Variants in YPEL2 observed in about 807,000 individuals in gnomAD.
The protein encoded by YPEL2 is yippee like 2.
In YPEL2, 2 loss-of-function variants were observed where a neutral mutation model predicts 19.1. That is an observed-to-expected ratio of 0.10 (90% CI 0.04 to 0.33). The LOEUF is 0.33. Ranked by LOEUF, YPEL2 falls within the 10% of genes least tolerant of loss-of-function variation. The probability of loss-of-function intolerance (pLI) is 1.00; values close to 1 mark genes in which losing one functional copy is unlikely to be tolerated. For missense variants in YPEL2, 66 were observed against 140.7 expected, an observed-to-expected ratio of 0.47 and a Z score of 2.68; for synonymous variants, 52 against 50.0, an observed-to-expected ratio of 1.04 and a Z score of -0.17.
chr17:59,395,684 A>G (rs1158685378), intron 4 of YPEL2, among the ~76,000 whole-genome samples: 7 of 152,154 alleles, frequency 4.6e-5, no homozygotes, highest in African/African-American at 7.2e-5. Context: ...CATCTGACAT[A>G]GAAGCAGCAA....
rs1403809063 is a variant in YPEL2, at chr17:59,397,507, A to G, written c.*317A>G. ...CACCTTGGTAAGGGCCCCAGGGCCC[A>G]TGCGAGAGCTGCCTGATGGCCTCTT... is the stretch of plus-strand genomic sequence containing the variant. On this transcript the variant is annotated 3_prime_UTR_variant, in exon 5 of 5. Transcript: ENST00000312655. 5 of 202,328 alleles carry G rather than the reference A, an allele frequency of 2.5e-5. No individual in the cohort carries two copies. Among genetic ancestry groups the G allele is most frequent in the Non-Finnish European group, 3.0e-5 (3 of 101,066 alleles). 12.5% of individuals were successfully genotyped at this position (202,328 alleles called of 1,614,324 possible).
chr17:59,343,946 G>A (rs2047743705), intron 1 of YPEL2, among the ~76,000 whole-genome samples: 1 of 152,154 alleles, frequency 6.6e-6, no homozygotes, highest in African/African-American at 2.4e-5. Flanking sequence ...GACTGAGGGT[G>A]GCAATGGGAG....
intron 2 of YPEL2, among the ~76,000 whole-genome samples, chr17:59,379,305 G>A (rs891661683): frequency 2.6e-5 from 4 of 152,140 alleles, no homozygotes; most frequent in Non-Finnish European, 5.9e-5. Context: ...CTTTGGAATG[G>A]AACCTATAGC....
chr17:59,331,739 C>G lies in YPEL2; in HGVS notation c.-281C>G, dbSNP rs897093099. 6.6e-6 allele frequency: 1 copy of G among 152,218 alleles called. No individual in the cohort carries two copies. 9.4% of individuals were successfully genotyped at this position (152,218 alleles called of 1,614,324 possible). On this transcript the variant is annotated 5_prime_UTR_variant, in exon 1 of 5. Transcript: ENST00000312655. ...TGGCTTTAAGAGCGTGCCGGGAGCC[C>G]GAGCCCCAGCCGGGCCGCGCTTCGC...
intron 1 of YPEL2, among the ~76,000 whole-genome samples, chr17:59,341,504 CA>C (rs2047730463): frequency 6.7e-6 from 1 of 149,484 alleles, no homozygotes; most frequent in South Asian, 2.1e-4. Flanking sequence ...ACTAAAAATA[CA>C]AAAATTAGCC....
intron 2 of YPEL2, among the ~76,000 whole-genome samples, chr17:59,369,460 G>A (rs920048776): frequency 6.6e-6 from 1 of 152,160 alleles, no homozygotes; most frequent in South Asian, 2.1e-4. Flanking sequence ...CCTGATGGCC[G>A]AGGGAAGCAG....
At chr17:59,356,905 C>T (rs2047815676) in intron 2 of YPEL2, among the ~76,000 whole-genome samples, 1 of 152,188 alleles carries the variant, frequency 6.6e-6, no homozygotes, top group Non-Finnish European at 1.5e-5. Flanking sequence ...CTAATCACCT[C>T]CCAAAGGCCT....
chr17:59,358,667 T>G (rs919694011), intron 2 of YPEL2, among the ~76,000 whole-genome samples: 2 of 152,106 alleles, frequency 1.3e-5, no homozygotes, highest in Non-Finnish European at 2.9e-5. Context: ...TGGAGTACAG[T>G]GGCACAATCT....
chr17:59,380,329 T>C (rs562280373), intron 2 of YPEL2, among the ~76,000 whole-genome samples: 6 of 137,562 alleles, frequency 4.4e-5, no homozygotes, highest in Admixed American at 4.1e-4. Context: ...CAGGCCGGAG[T>C]GCAGTGGTGC....
intron 2 of YPEL2, among the ~76,000 whole-genome samples, chr17:59,383,201 A>G (rs918627866): frequency 1.3e-5 from 2 of 152,080 alleles, no homozygotes; most frequent in Non-Finnish European, 1.5e-5. Context: ...TTATATTTAC[A>G]TACAGTAAAA....
intron 2 of YPEL2, among the ~76,000 whole-genome samples, chr17:59,382,059 T>C (rs2047952174): frequency 6.6e-6 from 1 of 152,382 alleles, no homozygotes; most frequent in South Asian, 2.1e-4. Flanking sequence ...TCTCCATGGC[T>C]GTTTTTCTCA....
At chr17:59,389,671 G>A (rs2047998053) in intron 4 of YPEL2, among the ~76,000 whole-genome samples, 1 of 151,674 alleles carries the variant, frequency 6.6e-6, no homozygotes, top group African/African-American at 2.4e-5. Flanking sequence ...TACCCCCTGA[G>A]ACACACACCC....
chr17:59,394,908 G>A (rs1052913993), intron 4 of YPEL2, among the ~76,000 whole-genome samples: 1 of 152,226 alleles, frequency 6.6e-6, no homozygotes, highest in African/African-American at 2.4e-5. Flanking sequence ...CCAACACAGC[G>A]AAACCCCGTC....
At chr17:59,364,115 G>T (rs917699604) in intron 2 of YPEL2, among the ~76,000 whole-genome samples, 1 of 152,152 alleles carries the variant, frequency 6.6e-6, no homozygotes, top group Non-Finnish European at 1.5e-5. Flanking sequence ...ATGTATAATT[G>T]TCTTGCTTCC....
chr17:59,368,458 C>T (rs1476277956), intron 2 of YPEL2, among the ~76,000 whole-genome samples: 2 of 152,194 alleles, frequency 1.3e-5, no homozygotes, highest in Non-Finnish European at 2.9e-5. Context: ...TGTAGTGAAA[C>T]ACAGTCATTG....
intron 1 of YPEL2, among the ~76,000 whole-genome samples, chr17:59,348,974 C>G (rs1033065705): frequency 2.0e-5 from 3 of 152,026 alleles, no homozygotes; most frequent in Non-Finnish European, 4.4e-5. Context: ...ATCATGAGGT[C>G]AGGAGATCGA....
chr17:59,397,028 C>T (rs1408015900), intron 4 of YPEL2, 73 bp from the exon 5 acceptor site: 6 of 1,277,032 alleles, frequency 4.7e-6, no homozygotes, highest in Non-Finnish European at 5.3e-6. Flanking sequence ...GAGACTGCCT[C>T]AAAAAAGAAA....
At chr17:59,350,608 C>T (rs1381456558) in intron 1 of YPEL2, among the ~76,000 whole-genome samples, 1 of 152,156 alleles carries the variant, frequency 6.6e-6, no homozygotes, top group Non-Finnish European at 1.5e-5. Context: ...ATGTGACACA[C>T]TCACATTTAA....
chr17:59,366,086 G>A lies in YPEL2; in HGVS notation c.117+12560G>A, dbSNP rs114640134. ...TTGGCTCCACCAAGAGCAATTTTCT[G>A]TTTCCTCATTTATCTGTTGGGAAGC... On this transcript the variant is annotated intron_variant, in intron 2 of 4. Coordinates refer to ENST00000312655, the MANE Select transcript of YPEL2 (RefSeq NM_001005404.4). The A allele has an allele frequency of 6.1e-3, 926 of 152,300 alleles. 4 individuals carry two copies. The highest frequency in any genetic ancestry group is 0.021 in the African/African-American group (864 of 41,014). The allele number at this position is 152,300 out of a possible 1,614,324, so 9.4% of individuals were successfully genotyped here.
Sources: gnomAD v4.1 joint callset for allele counts (sites outside exome capture counted in the v4.1 genomes callset) on GRCh38, gnomAD v4.1.1 for gene constraint, MANE v1.5 for transcripts, NCBI Gene and HGNC (gene_info 2026-07-23, HGNC 2026-07-21) for gene names.